APBB1IP: variants seen among roughly 807,000 people sequenced by gnomAD.
The protein encoded by APBB1IP is amyloid beta precursor protein binding family B member 1 interacting protein, also known as amyloid beta A4 precursor protein-binding family B member 1-interacting protein.
Under a neutral mutation model 64.9 loss-of-function variants are expected in APBB1IP, and 27 were observed. The ratio of observed to expected loss-of-function variants is 0.42; its 90% confidence interval spans 0.31 to 0.57. The LOEUF is 0.57. APBB1IP is among the 20% of genes least tolerant of loss of function. The pLI is 0.20. For synonymous variants in APBB1IP, 392 were observed against 331.0 expected (o/e 1.18, Z -2.00); for missense variants, 812 against 845.5 (o/e 0.96, Z 0.49).
At chr10:26,560,364 C>T (rs759791079) in intron 12 of APBB1IP, among the ~76,000 whole-genome samples, 161 bp downstream of exon 12, 2 of 151,984 alleles carry the variant, frequency 1.3e-5, no homozygotes, top group Non-Finnish European at 2.9e-5. Context: ...ATGGGAGGAG[C>T]GATAGAAACA....
intron 9 of APBB1IP, among the ~76,000 whole-genome samples, chr10:26,534,294 C>CAA (rs71403804): frequency 0.37 from 21,581 of 58,456 alleles, 4,621 homozygotes; most frequent in Non-Finnish European, 0.42. Flanking sequence ...GATCCAGTCT[C>CAA]AAAAAAAAAA....
At position 26,528,361 on chromosome 10, in the gene APBB1IP, C is replaced by T. The variant is rs777129177; in HGVS notation, c.814-5078C>T. 5.3e-4 allele frequency among the ~76,000 whole-genome samples: 81 copies of T among 152,176 alleles called. 2 individuals are homozygous for T. The highest frequency in any genetic ancestry group is 1.0e-4 in the Non-Finnish European group (7 of 68,032). On this transcript the variant is annotated intron_variant, in intron 8 of 14. Transcript: ENST00000376236. ...AGACACCTCTGTGCCTTTGTGCATGCTTGTTCTCCTCCCTGGAAATCTATT... is the reference window on the plus strand; with the variant it reads ...AGACACCTCTGTGCCTTTGTGCATGTTTGTTCTCCTCCCTGGAAATCTATT...
At chr10:26,554,787 T>G (rs1836874339) in intron 11 of APBB1IP, among the ~76,000 whole-genome samples, 1 of 152,274 alleles carries the variant, frequency 6.6e-6, no homozygotes, top group East Asian at 1.9e-4. Context: ...TTAGCTATGT[T>G]GCCCAAGCTG....
At chr10:26,482,852 G>A (rs867480726) in intron 2 of APBB1IP, among the ~76,000 whole-genome samples, 2 of 151,504 alleles carry the variant, frequency 1.3e-5, no homozygotes, top group Middle Eastern at 3.4e-3. Context: ...TTGGGAGGCT[G>A]AGGCGGGCTG....
In APBB1IP at chr10:26,567,302, G is replaced by T. The variant is rs1309000530; in HGVS notation, c.1815G>T (p.Pro605=). The T allele has an allele frequency of 5.6e-6, 6 of 1,072,496 alleles. No individual in the cohort carries two copies. In the African/African-American group the frequency reaches 1.1e-4, roughly 19 times the overall value. The allele number at this position is 1,072,496 out of a possible 1,614,324, so 66.4% of individuals were successfully genotyped here. The change falls in exon 15 of 15, where the codon CCG becomes CCT. Residue 605 remains proline (P), a synonymous_variant. Coordinates refer to ENST00000376236, the MANE Select transcript of APBB1IP (RefSeq NM_019043.4). ...AGCTGCCCCCGCCGCCGCCGCCGCC[G>T]CCCGCGCCCGCGCCCGCCCCCGTCC... ...GSELPPPPPP[P]PAPAPAPVPD...
At chr10:26,495,531 G>A (rs1836010155) in intron 3 of APBB1IP, among the ~76,000 whole-genome samples, 1 of 151,432 alleles carries the variant, frequency 6.6e-6, no homozygotes, top group Non-Finnish European at 1.5e-5. Flanking sequence ...CACTTTAGGA[G>A]GCCAAGACAG....
intron 4 of APBB1IP, among the ~76,000 whole-genome samples, chr10:26,500,242 GA>G (rs1836080316): frequency 6.7e-6 from 1 of 149,694 alleles, no homozygotes; most frequent in South Asian, 2.1e-4. Context: ...AAAGAAAAAA[GA>G]AAAGAAAAAA....
chr10:26,470,591 G>C (rs1835704754), intron 2 of APBB1IP, among the ~76,000 whole-genome samples: 1 of 152,068 alleles, frequency 6.6e-6, no homozygotes. Context: ...CCAACTATAG[G>C]CTAGTGTAAG....
At chr10:26,545,518 T>G (rs1328846991) in intron 11 of APBB1IP, among the ~76,000 whole-genome samples, 1 of 151,888 alleles carries the variant, frequency 6.6e-6, no homozygotes, top group Non-Finnish European at 1.5e-5. Context: ...CCCAGCACTT[T>G]GGGAGGCCGA....
chr10:26,491,323 C>T (rs534140830), intron 2 of APBB1IP, among the ~76,000 whole-genome samples: 11 of 151,972 alleles, frequency 7.2e-5, no homozygotes, highest in African/African-American at 7.2e-5. Flanking sequence ...AGAGAAATGC[C>T]GTTAGAAATG....
chr10:26,541,394 A>T (rs1218685932), intron 10 of APBB1IP, among the ~76,000 whole-genome samples, 188 bp from the exon 11 acceptor site: 1 of 152,224 alleles, frequency 6.6e-6, no homozygotes, highest in East Asian at 1.9e-4. Flanking sequence ...TGGCCATATC[A>T]GTTTCCATTC....
At chr10:26,548,322 T>C (rs369510497) in intron 11 of APBB1IP, among the ~76,000 whole-genome samples, 1 of 151,478 alleles carries the variant, frequency 6.6e-6, no homozygotes, top group Non-Finnish European at 1.5e-5. Context: ...TGTCTCCTAA[T>C]GCTATCCCTC....
At chr10:26,518,104 A>G (rs1390003577) in intron 8 of APBB1IP, among the ~76,000 whole-genome samples, 1 of 151,956 alleles carries the variant, frequency 6.6e-6, no homozygotes, top group Non-Finnish European at 1.5e-5. Context: ...ACAGGCAACC[A>G]CCACCATGCC....
chr10:26,501,816 C>T (rs1445527113), intron 5 of APBB1IP: 1 of 152,220 alleles, frequency 6.6e-6, no homozygotes, highest in African/African-American at 2.4e-5. Flanking sequence ...CTACAATGGT[C>T]ACACTGTGTC....
intron 2 of APBB1IP, among the ~76,000 whole-genome samples, chr10:26,439,498 G>A: frequency 6.6e-6 from 1 of 152,202 alleles, no homozygotes; most frequent in East Asian, 1.9e-4. Flanking sequence ...AATATCCAGA[G>A]GGCCTTTTAC....
chr10:26,463,075 G>A (rs562193780), intron 2 of APBB1IP, among the ~76,000 whole-genome samples: 3 of 152,258 alleles, frequency 2.0e-5, no homozygotes, highest in South Asian at 2.1e-4. Flanking sequence ...TTCAGCCATC[G>A]TTGAGCGTTA....
chr10:26,540,957 A>G (rs1288655542), intron 10 of APBB1IP, among the ~76,000 whole-genome samples: 1 of 151,420 alleles, frequency 6.6e-6, no homozygotes, highest in South Asian at 2.1e-4. Context: ...TTAATGCTCA[A>G]TCGCAAAATC....
intron 11 of APBB1IP, among the ~76,000 whole-genome samples, chr10:26,554,419 G>A (rs191918652): frequency 3.9e-5 from 6 of 152,348 alleles, no homozygotes; most frequent in African/African-American, 1.4e-4. Context: ...GCAGCTCCCA[G>A]CAGTGCTGGC....
intron 10 of APBB1IP, 47 bp downstream of exon 10, chr10:26,536,264 A>G (rs2099566727): frequency 6.5e-7 from 1 of 1,528,856 alleles, no homozygotes; most frequent in Admixed American, 2.3e-5. Flanking sequence ...GCATTTCATG[A>G]GAATGAAACT....
Sources: allele counts gnomAD v4.1 joint callset (sites outside exome capture counted in the v4.1 genomes callset), GRCh38; gene constraint gnomAD v4.1.1; transcripts MANE v1.5; gene names NCBI Gene and HGNC (gene_info 2026-07-23, HGNC 2026-07-21).